The following ATP6V1B1 variants were observed in gnomAD, a reference collection of about 807,000 sequenced individuals.
ATP6V1B1 encodes the protein ATPase H+ transporting V1 subunit B1.
In ATP6V1B1, 41 loss-of-function variants were observed where a neutral mutation model predicts 62.1. That is an observed-to-expected ratio of 0.66 (90% CI 0.51 to 0.86). The LOEUF (loss-of-function observed/expected upper bound fraction) is 0.86. ATP6V1B1 is among the 40% of genes least tolerant of loss of function. The pLI is 0.00. For missense variants in ATP6V1B1, 651 were observed against 697.5 expected, an observed-to-expected ratio of 0.93 and a Z score of 0.75; for synonymous variants, 253 against 273.4, an observed-to-expected ratio of 0.93 and a Z score of 0.74.
At chr2:70,956,206 C>A in intron 2 of ATP6V1B1, 1 of 232,316 alleles carries the variant, frequency 4.3e-6, no homozygotes, top group Non-Finnish European at 9.9e-6. Context: ...GACTTCATAG[C>A]CACCATAGGT....
Position 70,963,723 on chromosome 2 carries a change from G to T in ATP6V1B1, c.1143+69G>T. On this transcript the variant is annotated intron_variant, in intron 11 of 13. Transcript: ENST00000234396. This position sits in a 1 kb window ranked among gnomAD's most constrained non-coding sequence, Gnocchi z 4.3. ...AACACTGAGGAACAGATGTTTCACT[G>T]CCCCCAGGCATGAATTAGGAGGGGC... The T allele has an allele frequency of 6.5e-7, 1 of 1,548,276 alleles. No individual in the cohort carries two copies. Among genetic ancestry groups the T allele is most frequent in the Non-Finnish European group, 8.9e-7 (1 of 1,123,204 alleles).
chr2:70,963,262 G>T lies in ATP6V1B1; in HGVS notation c.1010G>T (p.Gly337Val), dbSNP rs782319360. 1.9e-6 allele frequency: 3 copies of T among 1,613,776 alleles called. No individual in the cohort carries two copies. Among genetic ancestry groups the T allele is most frequent in the Admixed American group, 1.7e-5 (1 of 60,020 alleles). The stretch of plus-strand genomic sequence containing the variant: ...TACGAGCGGGCGGGCCGCGTGGAGG[G>T]TCGGGGAGGATCCATCACACAGATC... The part of the protein sequence containing the change: ...TIYERAGRVE[G>V]RGGSITQIPI... The change falls in exon 10 of 14, where the codon GGT (glycine) becomes GTT (valine). Residue 337 changes from glycine to valine, a missense_variant. Coordinates refer to ENST00000234396, the MANE Select transcript of ATP6V1B1 (RefSeq NM_001692.4). This position sits in a 1 kb window ranked among gnomAD's most constrained non-coding sequence, Gnocchi z 4.3.
rs926831945 is a variant in ATP6V1B1, at chr2:70,961,812, G to A, written c.785+119G>A. The A allele has an allele frequency of 1.4e-5, 14 of 985,662 alleles. No individual in the cohort carries two copies. In the African/African-American group the frequency reaches 2.1e-4, roughly 15 times the overall value. 61.1% of individuals were successfully genotyped at this position (985,662 alleles called of 1,614,324 possible). On this transcript the variant is annotated intron_variant, in intron 8 of 13. Transcript: ENST00000234396. ...CTACAGCCATACGCCAGAGCTGGGA[G>A]AACAACCCTCATTGTGTAGATAGGG...
At chr2:70,944,296 G>C in intron 2 of ATP6V1B1, 1 of 1,145,804 alleles carries the variant, frequency 8.7e-7, no homozygotes, top group East Asian at 5.8e-5. Context: ...TGGGAAACTG[G>C]CAGACACTGA....
intron 2 of ATP6V1B1, among the ~76,000 whole-genome samples, chr2:70,945,701 G>GATAGATATATATATAT (rs1553417204): frequency 4.8e-5 from 4 of 83,018 alleles, no homozygotes; most frequent in Admixed American, 1.6e-4. Flanking sequence ...TATTTGAAGA[G>GATAGATATATATATAT]ATATATATAT....
chr2:70,956,714 T>C (rs781971833), intron 2 of ATP6V1B1, among the ~76,000 whole-genome samples: 1 of 152,110 alleles, frequency 6.6e-6, no homozygotes, highest in Admixed American at 6.5e-5. Flanking sequence ...GGGATTCTCC[T>C]GCCTCAGCCT....
At position 70,935,996 on chromosome 2, in the gene ATP6V1B1, C is replaced by T; in HGVS notation, c.42C>T (p.Gly14=). The T allele has an allele frequency of 6.2e-7, 1 of 1,614,006 alleles. No individual in the cohort carries two copies. The highest frequency in any genetic ancestry group is 8.5e-7 in the Non-Finnish European group (1 of 1,179,956). ...ACAGCAGGCCTGGGGGGCTCCCCGG[C>T]AGTAGCTGCAACCTAGGTGCAGCCC... ...EIDSRPGGLP[G]SSCNLGAARE... Residue 14 remains glycine, a synonymous_variant, in exon 1 of 14, where the codon GGC becomes GGT. Coordinates refer to ENST00000234396, the MANE Select transcript of ATP6V1B1 (RefSeq NM_001692.4).
At position 70,959,702 on chromosome 2, in the gene ATP6V1B1, T is replaced by C. The variant is rs1572920446; in HGVS notation, c.446-237T>C. Among the ~76,000 whole-genome samples the C allele has an allele frequency of 1.3e-5, 2 of 152,340 alleles. No homozygotes were observed. The highest frequency in any genetic ancestry group is 2.4e-5 in the African/African-American group (1 of 41,576). On this transcript the variant is annotated intron_variant, in intron 5 of 13. Transcript: ENST00000234396. The surrounding 1 kb of genome is among the most constrained non-coding windows in gnomAD (Gnocchi z 4.2). ...TCTGTCCAAGGTAGCACTGGGCCTGTGGCTATTTAAATTTAAACTAATTCA... is the reference window on the plus strand; with the variant it reads ...TCTGTCCAAGGTAGCACTGGGCCTGCGGCTATTTAAATTTAAACTAATTCA...
At chr2:70,943,213 A>C (rs1462221186) in intron 1 of ATP6V1B1, among the ~76,000 whole-genome samples, 1 of 152,004 alleles carries the variant, frequency 6.6e-6, no homozygotes, top group East Asian at 1.9e-4. Context: ...CACACTGCTC[A>C]ATCAGTGTGG....
intron 1 of ATP6V1B1, chr2:70,941,089 A>T: frequency 2.1e-6 from 1 of 473,330 alleles, no homozygotes; most frequent in Non-Finnish European, 2.8e-6. Flanking sequence ...GCTAATTTTT[A>T]AATTTTTCTG....
At chr2:70,936,907 T>C (rs1400032196) in intron 1 of ATP6V1B1, among the ~76,000 whole-genome samples, 1 of 152,122 alleles carries the variant, frequency 6.6e-6, no homozygotes, top group African/African-American at 2.4e-5. Flanking sequence ...TACTTGTGGC[T>C]CCTGTGCCTG....
rs1226876982 is a variant in ATP6V1B1, at chr2:70,959,484, G to A, written c.445+389G>A. The stretch of plus-strand genomic sequence containing the variant: ...GGAGGCCTGTGGGAGCCCGTGGCTT[G>A]CCCTACGCCACACAGAAAGTCAGTG... On this transcript the variant is annotated intron_variant, in intron 5 of 13. Transcript: ENST00000234396. This position sits in a 1 kb window ranked among gnomAD's most constrained non-coding sequence, Gnocchi z 4.2. Among the ~76,000 whole-genome samples, 1 of 152,222 alleles carries A rather than the reference G, an allele frequency of 6.6e-6. No individual in the cohort carries two copies. The highest frequency in any genetic ancestry group is 2.4e-5 in the African/African-American group (1 of 41,458).
rs146304463 is a variant in ATP6V1B1, at chr2:70,958,097, A to C, written c.226A>C (p.Arg76=). Residue 76 remains arginine (R), a synonymous_variant, in exon 3 of 14, where the codon AGG becomes CGG. Coordinates refer to ENST00000234396, the MANE Select transcript of ATP6V1B1 (RefSeq NM_001692.4). ...CTTCACCCTCCCAGATGGGACTCAG[A>C]GGAGCGGGCAGGTGCTTGAGGTGGC... ...VHFTLPDGTQ[R]SGQVLEVAGT... 1 of 1,614,132 alleles carries C rather than the reference A, an allele frequency of 6.2e-7. No individual in the cohort carries two copies. Among genetic ancestry groups the C allele is most frequent in the Non-Finnish European group, 8.5e-7 (1 of 1,180,028 alleles).
At position 70,951,106 on chromosome 2, in the gene ATP6V1B1, C is replaced by T. The variant is rs1226862711; in HGVS notation, c.175-6940C>T. Among the ~76,000 whole-genome samples the T allele has an allele frequency of 4.0e-5, 6 of 151,852 alleles. No homozygotes were observed. In the East Asian group the frequency reaches 1.2e-3, roughly 29 times the overall value. On this transcript the variant is annotated intron_variant, in intron 2 of 13. Coordinates refer to ENST00000234396, the MANE Select transcript of ATP6V1B1 (RefSeq NM_001692.4). ...TACAGGCGCCCTCTACCACGCCTGGCTAATTTTTGTATTTTTAGTAGAGAC... is the reference window on the plus strand; with the variant it reads ...TACAGGCGCCCTCTACCACGCCTGGTTAATTTTTGTATTTTTAGTAGAGAC...
intron 1 of ATP6V1B1, among the ~76,000 whole-genome samples, chr2:70,937,205 A>G (rs1679875408): frequency 6.6e-6 from 1 of 151,902 alleles, no homozygotes; most frequent in Admixed American, 6.5e-5. Context: ...GTGTGGTGTG[A>G]GGGGAAGTGA....
At chr2:70,945,701 G>GATAGAT (rs1553417204) in intron 2 of ATP6V1B1, among the ~76,000 whole-genome samples, 23 of 83,016 alleles carry the variant, frequency 2.8e-4, no homozygotes, top group Non-Finnish European at 4.7e-4. Context: ...TATTTGAAGA[G>GATAGAT]ATATATATAT....
chr2:70,939,486 A>G lies in ATP6V1B1; in HGVS notation c.118+3414A>G, dbSNP rs1679933678. On this transcript the variant is annotated intron_variant, in intron 1 of 13. Transcript: ENST00000234396. ...CTGAGCGCTGCAGGATACCGTCTTG[A>G]ACTGTGGTGCGTCCTGCCAGAAACT... is the stretch of plus-strand genomic sequence containing the variant. 2 of 152,248 alleles carry G rather than the reference A, an allele frequency of 1.3e-5. 1 individual carries two copies. Among genetic ancestry groups the G allele is most frequent in the South Asian group, 4.2e-4 (2 of 4,818 alleles). The allele number at this position is 152,248 out of a possible 1,614,324, so 9.4% of individuals were successfully genotyped here.
rs1285021876 is a variant in ATP6V1B1, at chr2:70,941,509, G to A, written c.119-2149G>A. 7 of 954,010 alleles carry A rather than the reference G, an allele frequency of 7.3e-6. No individual in the cohort carries two copies. In the African/African-American group the frequency reaches 1.1e-4, roughly 14 times the overall value. The allele number at this position is 954,010 out of a possible 1,614,324, so 59.1% of individuals were successfully genotyped here. ...TTCCCATAAGATGCTTCCTCCAAGCGCACCCAGTCTGGTCTTCCCTCCCAC... is the reference window on the plus strand; with the variant it reads ...TTCCCATAAGATGCTTCCTCCAAGCACACCCAGTCTGGTCTTCCCTCCCAC... On this transcript the variant is annotated intron_variant, in intron 1 of 13. Transcript: ENST00000234396.
At chr2:70,955,110 T>G (rs961775874) in intron 2 of ATP6V1B1, among the ~76,000 whole-genome samples, 3 of 152,174 alleles carry the variant, frequency 2.0e-5, no homozygotes, top group Non-Finnish European at 4.4e-5. Context: ...TACCTGCCCA[T>G]GTGCTGCCTG....
Sources: gnomAD v4.1 joint callset for allele counts (sites outside exome capture counted in the v4.1 genomes callset) on GRCh38, gnomAD v4.1.1 for gene constraint, Gnocchi (gnomAD v3.1) non-coding constraint, MANE v1.5 for transcripts, NCBI Gene and HGNC (gene_info 2026-07-23, HGNC 2026-07-21) for gene names.